Variants in FKBP1B observed in about 807,000 individuals in gnomAD.
The protein encoded by FKBP1B is peptidyl-prolyl cis-trans isomerase FKBP1B.
FKBP1B carries 4 observed loss-of-function variants against 13.5 expected under a neutral mutation model. That is an observed-to-expected ratio of 0.30 (90% CI 0.15 to 0.68). FKBP1B has a LOEUF of 0.68. Among genes scored for constraint, FKBP1B ranks in the 30% least tolerant of loss-of-function variants. The probability of loss-of-function intolerance (pLI) is 0.76; values close to 1 mark genes in which losing one functional copy is unlikely to be tolerated. For missense variants in FKBP1B, 93 were observed against 136.2 expected (o/e 0.68, Z 1.58); for synonymous variants, 54 against 53.6 (o/e 1.01, Z -0.03).
chr2:24,057,504 G>A (rs1664184525), intron 2 of FKBP1B, among the ~76,000 whole-genome samples: 1 of 152,132 alleles, frequency 6.6e-6, no homozygotes, highest in South Asian at 2.1e-4. Flanking sequence ...CTTCCGAGTA[G>A]CTGGGATTTC....
chr2:24,051,850 G>C (rs752167816), intron 1 of FKBP1B, among the ~76,000 whole-genome samples: 1 of 152,054 alleles, frequency 6.6e-6, no homozygotes, highest in Non-Finnish European at 1.5e-5. Flanking sequence ...GCTTCCTTAG[G>C]CTTTGTATCC....
At chr2:24,061,857 T>A (rs767754007) in intron 3 of FKBP1B, among the ~76,000 whole-genome samples, 1 of 151,820 alleles carries the variant, frequency 6.6e-6, no homozygotes, top group Non-Finnish European at 1.5e-5. Context: ...GATGCTCCCT[T>A]ACGATAGGTC....
the FKBP1B span, chr2:24,038,769 G>A: frequency 6.2e-7 from 1 of 1,614,208 alleles, no homozygotes; most frequent in Non-Finnish European, 8.5e-7. Flanking sequence ...TGTCTTTACT[G>A]TTAGGTGGGA....
At chr2:24,037,701 A>C in the FKBP1B span, 1 of 1,612,848 alleles carries the variant, frequency 6.2e-7, no homozygotes, top group Non-Finnish European at 8.5e-7. Flanking sequence ...GAACATAAGG[A>C]AGATCTTGAG....
chr2:24,050,414 G>A lies in FKBP1B; in HGVS notation c.37+528G>A, dbSNP rs1445006525. Among the ~76,000 whole-genome samples the A allele has an allele frequency of 6.6e-6, 1 of 152,148 alleles. No individual in the cohort carries two copies. The highest frequency in any genetic ancestry group is 2.4e-5 in the African/African-American group (1 of 41,442). ...GGAAGGGGGAAGCGCTCCCTTGCCC[G>A]CTTCCGGATCTCGCTTTATCCTGCC... On this transcript the variant is annotated intron_variant, in intron 1 of 3. Transcript: ENST00000380986. The surrounding 1 kb of genome is among the most constrained non-coding windows in gnomAD (Gnocchi z 5.8).
chr2:24,049,589 G>A (rs1184486815), upstream of FKBP1B: 3 of 353,126 alleles, frequency 8.5e-6, no homozygotes, highest in South Asian at 4.5e-4. Flanking sequence ...GTCGTCAGGC[G>A]GGGCCAGGCT....
At chr2:24,037,790 C>G in the FKBP1B span, 2 of 1,614,224 alleles carry the variant, frequency 1.2e-6, no homozygotes, top group Non-Finnish European at 1.7e-6. Context: ...TGCATTTCAA[C>G]CAGGTTCCTA....
intron 2 of FKBP1B, 31 bp downstream of exon 2, chr2:24,053,980 T>G: frequency 6.2e-7 from 1 of 1,604,264 alleles, no homozygotes; most frequent in East Asian, 2.2e-5. Context: ...CCCCACCCAG[T>G]CCTTCCCCTC....
At chr2:24,039,084 G>T in the FKBP1B span, 1 of 1,614,206 alleles carries the variant, frequency 6.2e-7, no homozygotes, top group Non-Finnish European at 8.5e-7. Flanking sequence ...TAGGGAAAAT[G>T]GAGACATCCT....
intron 3 of FKBP1B, among the ~76,000 whole-genome samples, chr2:24,061,555 T>C (rs545921157): frequency 6.6e-6 from 1 of 152,328 alleles, no homozygotes; most frequent in Non-Finnish European, 1.5e-5. Context: ...TTTTTCGTTT[T>C]TTCGCTTTTT....
chr2:24,054,563 T>G (rs530162955), intron 2 of FKBP1B: 6 of 169,964 alleles, frequency 3.5e-5, no homozygotes, highest in Middle Eastern at 1.0e-3. Context: ...CCTTGTGACC[T>G]GCTTCCTAAA....
intron 3 of FKBP1B, among the ~76,000 whole-genome samples, 168 bp downstream of exon 3, chr2:24,061,094 CCCT>C (rs1306008637): frequency 1.3e-5 from 2 of 152,134 alleles, no homozygotes; most frequent in African/African-American, 4.8e-5. Context: ...GCGTCCCCAC[CCCT>C]CTCCTTGCCA....
the FKBP1B span, chr2:24,039,412 C>T: frequency 6.2e-7 from 1 of 1,614,264 alleles, no homozygotes; most frequent in Admixed American, 1.7e-5. Context: ...CCCATCGGTC[C>T]AGGCAAGGCC....
chr2:24,038,039 T>C, the FKBP1B span: 3 of 1,614,212 alleles, frequency 1.9e-6, no homozygotes, highest in Non-Finnish European at 2.5e-6. Context: ...CCATTCTGAC[T>C]ACTGGTATTA....
chr2:24,036,463 T>C, the FKBP1B span, among the ~76,000 whole-genome samples: 1 of 152,128 alleles, frequency 6.6e-6, no homozygotes, highest in Non-Finnish European at 1.5e-5. Context: ...GACAGCCTTA[T>C]ACATAGCTGG....
the FKBP1B span, among the ~76,000 whole-genome samples, chr2:24,037,448 C>T: frequency 1.1e-4 from 17 of 152,166 alleles, no homozygotes; most frequent in Non-Finnish European, 2.4e-4. Flanking sequence ...TATTTTTCCA[C>T]GTCATGCACC....
the FKBP1B span, among the ~76,000 whole-genome samples, chr2:24,036,741 T>C: frequency 6.6e-6 from 1 of 151,994 alleles, no homozygotes; most frequent in Non-Finnish European, 1.5e-5. Flanking sequence ...AAGTAAAGAG[T>C]GCACCATATC....
the FKBP1B span, among the ~76,000 whole-genome samples, chr2:24,042,872 A>G: frequency 6.6e-5 from 10 of 151,042 alleles, no homozygotes; most frequent in East Asian, 2.0e-3. Flanking sequence ...CGTCTCTACT[A>G]AAAATACAAA....
chr2:24,056,765 C>T (rs556850182), intron 2 of FKBP1B, among the ~76,000 whole-genome samples: 1 of 152,006 alleles, frequency 6.6e-6, no homozygotes, highest in South Asian at 2.1e-4. Flanking sequence ...ATCTTCACTC[C>T]CTGCAACCTA....
Sources: gnomAD v4.1 joint callset for allele counts (sites outside exome capture counted in the v4.1 genomes callset) on GRCh38, gnomAD v4.1.1 for gene constraint, Gnocchi (gnomAD v3.1) non-coding constraint, MANE v1.5 for transcripts, NCBI Gene and HGNC (gene_info 2026-07-23, HGNC 2026-07-21) for gene names.